ST8SIA5: variants seen among roughly 807,000 people sequenced by gnomAD.
ST8SIA5 encodes the protein ST8 alpha-N-acetyl-neuraminide alpha-2,8-sialyltransferase 5.
ST8SIA5 carries 24 observed loss-of-function variants against 40.2 expected under a neutral mutation model. That is an observed-to-expected ratio of 0.60 (90% CI 0.43 to 0.84). The LOEUF (loss-of-function observed/expected upper bound fraction) is 0.84. Among genes scored for constraint, ST8SIA5 ranks in the 40% least tolerant of loss-of-function variants. ST8SIA5 has a pLI of 0.00. For missense variants in ST8SIA5, 465 were observed against 498.5 expected, an observed-to-expected ratio of 0.93 and a Z score of 0.64; for synonymous variants, 198 against 201.8, an observed-to-expected ratio of 0.98 and a Z score of 0.16.
At chr18:46,698,186 A>G (rs1182241728) in intron 2 of ST8SIA5, among the ~76,000 whole-genome samples, 1 of 150,636 alleles carries the variant, frequency 6.6e-6, no homozygotes, top group Non-Finnish European at 1.5e-5. Flanking sequence ...CAATAATCCA[A>G]TAACTCATCA....
At chr18:46,716,136 A>ATAGT in intron 1 of ST8SIA5, among the ~76,000 whole-genome samples, 1 of 150,794 alleles carries the variant, frequency 6.6e-6, no homozygotes, top group South Asian at 2.1e-4. Context: ...AGATAGATAG[A>ATAGT]TATAGTGCTC....
intron 1 of ST8SIA5, among the ~76,000 whole-genome samples, chr18:46,722,674 A>T (rs888323830): frequency 6.6e-6 from 1 of 152,228 alleles, no homozygotes; most frequent in Non-Finnish European, 1.5e-5. Context: ...GCTGAGCAAC[A>T]TCCCTGCTCT....
rs2039447023 is a variant in ST8SIA5 at position 46,686,299 on chromosome 18, C to A, written c.457-13G>T. 2 of 1,612,276 alleles carry A rather than the reference C, an allele frequency of 1.2e-6. No homozygotes were observed. The highest frequency in any genetic ancestry group is 1.7e-6 in the Non-Finnish European group (2 of 1,178,370). On this transcript the variant is annotated splice_polypyrimidine_tract_variant and intron_variant, in intron 4 of 6. Transcript: ENST00000315087. Reference sequence around the variant, plus strand: ...AGTAGGGCATGTCCTGGGGGAGGCACAGGCACAGCTGTCAGAGCCAAGCCA... The same window carrying A: ...AGTAGGGCATGTCCTGGGGGAGGCAAAGGCACAGCTGTCAGAGCCAAGCCA...
Position 46,702,823 on chromosome 18 carries a change from T to G in ST8SIA5, c.224+1749A>C, listed in dbSNP as rs1217038272. ...CAAGGGTGGGCACCACAGTGGTATG[T>G]GTTCAGCTCAGGGCTCAGTGAAACT... On this transcript the variant is annotated intron_variant, in intron 2 of 6. Coordinates refer to ENST00000315087, the MANE Select transcript of ST8SIA5 (RefSeq NM_013305.6). Among the ~76,000 whole-genome samples the G allele has an allele frequency of 2.0e-5, 3 of 152,276 alleles. No individual in the cohort carries two copies. The East Asian group carries it at 5.8e-4, about 29-fold the overall frequency.
intron 2 of ST8SIA5, among the ~76,000 whole-genome samples, chr18:46,695,915 G>A (rs2039553087): frequency 1.3e-5 from 2 of 152,344 alleles, no homozygotes; most frequent in Admixed American, 1.3e-4. Context: ...TGCTTCCATG[G>A]AGCTTACACA....
Position 46,680,301 on chromosome 18 carries a change from C to G in ST8SIA5, c.872G>C (p.Ser291Thr), listed in dbSNP as rs1456227262. Reference sequence around the variant, plus strand: ...GATGCGCTTGGCGCGCACCCCCAGGCTGAGCCAGTAGCGCGACACGTTGAC... The same window carrying G: ...GATGCGCTTGGCGCGCACCCCCAGGGTGAGCCAGTAGCGCGACACGTTGAC... ...YLVNVSRYWL[S>T]LGVRAKRIST... The change falls in exon 7 of 7, where the codon AGC becomes ACC. Residue 291 changes from serine to threonine, a missense_variant. By Grantham distance (58) the Ser-to-Thr change is moderately conservative. Coordinates refer to ENST00000315087, the MANE Select transcript of ST8SIA5 (RefSeq NM_013305.6). 2 of 1,614,218 alleles carry G rather than the reference C, an allele frequency of 1.2e-6. No individual in the cohort carries two copies. Among genetic ancestry groups the G allele is most frequent in the Non-Finnish European group, 1.7e-6 (2 of 1,180,044 alleles).
chr18:46,692,078 G>A, intron 3 of ST8SIA5, 91 bp downstream of exon 3: 2 of 1,370,666 alleles, frequency 1.5e-6, no homozygotes, highest in Non-Finnish European at 2.1e-6. Context: ...TGCACGCTGA[G>A]AGCTGGGCCT....
At position 46,680,263 on chromosome 18, in the gene ST8SIA5, T is replaced by C; in HGVS notation, c.910A>G (p.Ile304Val). 6.2e-7 allele frequency: 1 copy of C among 1,614,186 alleles called. No individual in the cohort carries two copies. Among genetic ancestry groups the C allele is most frequent in the Non-Finnish European group, 8.5e-7 (1 of 1,180,040 alleles). The change falls in exon 7 of 7, where the codon ATT (isoleucine) becomes GTT (valine). Residue 304 changes from isoleucine (I) to valine (V), a missense_variant. Transcript: ENST00000315087. Reference sequence around the variant, plus strand: ...AGCTCCAGCGCCGCAGTGACCAGAATGAGGCCGGTGCTGATGCGCTTGGCG... The same window carrying C: ...AGCTCCAGCGCCGCAGTGACCAGAACGAGGCCGGTGCTGATGCGCTTGGCG... ...VRAKRISTGL[I>V]LVTAALELCE... is the part of the protein sequence containing the mutation.
intron 3 of ST8SIA5, 63 bp downstream of exon 3, chr18:46,692,106 C>A: frequency 1.3e-6 from 2 of 1,549,028 alleles, no homozygotes; most frequent in South Asian, 1.1e-5. Context: ...CAATGGAGAC[C>A]AGAAGAGGTG....
At chr18:46,712,905 G>A (rs1348478863) in intron 1 of ST8SIA5, among the ~76,000 whole-genome samples, 1 of 152,226 alleles carries the variant, frequency 6.6e-6, no homozygotes, top group Non-Finnish European at 1.5e-5. Context: ...TCTGGACAGG[G>A]GACATGAATA....
chr18:46,742,094 C>A, intron 1 of ST8SIA5, among the ~76,000 whole-genome samples: 1 of 150,602 alleles, frequency 6.6e-6, no homozygotes. Context: ...GAGCGACGCT[C>A]CATGTAAAAA....
chr18:46,710,780 C>T (rs2039724036), intron 1 of ST8SIA5, among the ~76,000 whole-genome samples: 1 of 152,134 alleles, frequency 6.6e-6, no homozygotes, highest in Non-Finnish European at 1.5e-5. Flanking sequence ...CTCTCCAGAG[C>T]TTCTCCAGGG....
intron 2 of ST8SIA5, among the ~76,000 whole-genome samples, chr18:46,702,550 G>A (rs138766083): frequency 6.6e-6 from 1 of 152,320 alleles, no homozygotes; most frequent in Non-Finnish European, 1.5e-5. Flanking sequence ...ATCCTTCAGA[G>A]CCCGGGACAC....
chr18:46,737,116 A>T (rs7237482), intron 1 of ST8SIA5, among the ~76,000 whole-genome samples: 53,325 of 151,742 alleles, frequency 0.35, 10,084 homozygotes, highest in Middle Eastern at 0.45. Flanking sequence ...TATGGTGTCT[A>T]AAAAGAAACT....
intron 1 of ST8SIA5, among the ~76,000 whole-genome samples, chr18:46,727,894 G>T (rs969800795): frequency 6.6e-6 from 1 of 152,082 alleles, no homozygotes; most frequent in Non-Finnish European, 1.5e-5. Flanking sequence ...ACTGTTTAAT[G>T]ACGAAGTCTA....
chr18:46,737,973 G>A (rs185486548), intron 1 of ST8SIA5, among the ~76,000 whole-genome samples: 67 of 152,104 alleles, frequency 4.4e-4, no homozygotes, highest in African/African-American at 1.5e-3. Flanking sequence ...ATTTCACCAC[G>A]TTGGCCAGGC....
At chr18:46,740,651 T>C (rs865998591) in intron 1 of ST8SIA5, among the ~76,000 whole-genome samples, 1 of 152,204 alleles carries the variant, frequency 6.6e-6, no homozygotes, top group Non-Finnish European at 1.5e-5. Flanking sequence ...TCTAACTTCA[T>C]GAGTGAGTAA....
At position 46,674,831 on chromosome 18, in the gene ST8SIA5, G is replaced by C. The variant is rs942010612; in HGVS notation, c.*5211C>G. On this transcript the variant is annotated 3_prime_UTR_variant, in exon 7 of 7. Coordinates refer to ENST00000315087, the MANE Select transcript of ST8SIA5 (RefSeq NM_013305.6). ...AAAAGTGGCCAGATAAAAGGAAGGA[G>C]AGAGGAACTTAGGAGTGTGAGGGCC... 1.3e-5 allele frequency: 2 copies of C among 152,666 alleles called. No individual in the cohort carries two copies. The highest frequency in any genetic ancestry group is 2.9e-5 in the Non-Finnish European group (2 of 68,426). The allele number at this position is 152,666 out of a possible 1,614,324, so 9.5% of individuals were successfully genotyped here.
chr18:46,710,363 T>TTTTCTTTCTTTCTTTCTTTC lies in ST8SIA5; in HGVS notation c.132-5719_132-5700dup, dbSNP rs71162817. On this transcript the variant is annotated intron_variant, in intron 1 of 6. Transcript: ENST00000315087. ...CTTCCTTTCCTTCTTTCCTTCTTTC[T>TTTTCTTTCTTTCTTTCTTTC]TTTCTTTCTTTCTTTCTTTCTTTCT... Among the ~76,000 whole-genome samples the TTTTCTTTCTTTCTTTCTTTC allele has an allele frequency of 5.4e-3, 622 of 114,484 alleles. 3 individuals are homozygous for TTTTCTTTCTTTCTTTCTTTC. Among genetic ancestry groups the TTTTCTTTCTTTCTTTCTTTC allele is most frequent in the African/African-American group, 9.1e-3 (267 of 29,256 alleles). The allele number at this position is 114,484 out of a possible 152,430, so 75.1% of individuals were successfully genotyped here. A position where few individuals can be genotyped will look rare whatever the true frequency, so the allele number is the denominator to read the frequency against.
Sources: gnomAD v4.1 joint callset for allele counts (sites outside exome capture counted in the v4.1 genomes callset) on GRCh38, gnomAD v4.1.1 for gene constraint, MANE v1.5 for transcripts, NCBI Gene and HGNC (gene_info 2026-07-23, HGNC 2026-07-21) for gene names.